Variants in DIDO1 observed in about 807,000 individuals in gnomAD.
DIDO1 encodes the protein death inducer-obliterator 1, also known as death-inducer obliterator 1.
A neutral mutation model predicts 99.4 loss-of-function variants in DIDO1; 16 were observed. That is an observed-to-expected ratio of 0.16 (90% CI 0.11 to 0.24). The LOEUF is 0.24. DIDO1 is among the 10% of genes least tolerant of loss of function. DIDO1 has a pLI of 1.00. For synonymous variants in DIDO1, 1,366 were observed against 1,239.1 expected (o/e 1.10, Z -2.15); for missense variants, 2,996 against 3,014.0 (o/e 0.99, Z 0.14).
At chr20:62,919,751 C>T (rs1454993459) in intron 1 of DIDO1, among the ~76,000 whole-genome samples, 1 of 152,240 alleles carries the variant, frequency 6.6e-6, no homozygotes, top group Admixed American at 6.5e-5. Context: ...TACAGCCGGG[C>T]CGCCAAGCTC....
At chr20:62,920,368 C>T (rs1213358149) in intron 1 of DIDO1, among the ~76,000 whole-genome samples, 1 of 152,192 alleles carries the variant, frequency 6.6e-6, no homozygotes, top group East Asian at 1.9e-4. Flanking sequence ...CTACTCTTGC[C>T]TCCCCCCAAC....
chr20:62,880,368 A>G lies in DIDO1; in HGVS notation c.5588T>C (p.Val1863Ala). The change falls in exon 16 of 16, where the codon GTG becomes GCG. Residue 1863 changes from valine (V) to alanine (A), a missense_variant. Val to Ala is a moderately conservative substitution (Grantham distance 64). This residue lies in a region of DIDO1 where 1,562 missense variants were observed against 1,412.6 expected (regional missense o/e 1.11). Coordinates refer to ENST00000395343, the MANE Select transcript of DIDO1 (RefSeq NM_001193369.2). ...TTCAAACTGGGCGGGGGCGCCCGTC[A>G]CCTCGTTATACGGGGCGTCCTGGAA... is the stretch of plus-strand genomic sequence containing the variant. ...REFQDAPYNE[V>A]TGAPAQFEGT... The G allele has an allele frequency of 6.2e-7, 1 of 1,612,712 alleles. No individual in the cohort carries two copies.
intron 6 of DIDO1, among the ~76,000 whole-genome samples, chr20:62,899,294 C>T (rs1189622417): frequency 6.6e-6 from 1 of 152,192 alleles, no homozygotes; most frequent in Non-Finnish European, 1.5e-5. Context: ...CCAGAAACCT[C>T]GGCAAAATGC....
chr20:62,886,582 G>A (rs1310002452), intron 15 of DIDO1, among the ~76,000 whole-genome samples: 2 of 152,176 alleles, frequency 1.3e-5, no homozygotes, highest in East Asian at 3.9e-4. Context: ...CTGCTTCTCA[G>A]GGTGCAGGAA....
In DIDO1 at chr20:62,898,598, T is replaced by C. The variant is rs114469802; in HGVS notation, c.1589-1602A>G. Among the ~76,000 whole-genome samples, 630 of 152,334 alleles carry C rather than the reference T, an allele frequency of 4.1e-3. 3 individuals are homozygous for C. Among genetic ancestry groups the C allele is most frequent in the African/African-American group, 0.014 (580 of 41,568 alleles). On this transcript the variant is annotated intron_variant, in intron 6 of 15. Coordinates refer to ENST00000395343, the MANE Select transcript of DIDO1 (RefSeq NM_001193369.2). Reference sequence around the variant, plus strand: ...ATCCTGTATTTTCATCTTAGGACCCTTCTAACCTCATGGCCGGCCCCTGCC... The same window carrying C: ...ATCCTGTATTTTCATCTTAGGACCCCTCTAACCTCATGGCCGGCCCCTGCC...
chr20:62,926,273 C>A (rs1280682979), intron 1 of DIDO1, among the ~76,000 whole-genome samples, 166 bp downstream of exon 1: 2 of 147,074 alleles, frequency 1.4e-5, no homozygotes, highest in Non-Finnish European at 3.0e-5. Flanking sequence ...CCCGCCCGCC[C>A]GCTCCTTCCC....
chr20:62,885,173 G>A (rs370769750), intron 15 of DIDO1, among the ~76,000 whole-genome samples: 9 of 152,176 alleles, frequency 5.9e-5, no homozygotes, highest in Admixed American at 2.6e-4. Flanking sequence ...TCTGTAAGCC[G>A]GGCTCTGTAA....
chr20:62,895,168 A>G lies in DIDO1; in HGVS notation c.2215-3T>C, dbSNP rs1013206596. On this transcript the variant is annotated splice_region_variant and splice_polypyrimidine_tract_variant and intron_variant, in intron 8 of 15. Transcript: ENST00000395343. ...CGCAGAACACGATGGAAGAGTCCCT[A>G]TAAACAAGTATTTTTCATTTACTCA... The G allele has an allele frequency of 1.3e-6, 2 of 1,598,290 alleles. No homozygotes were observed. Among genetic ancestry groups the G allele is most frequent in the South Asian group, 1.1e-5 (1 of 90,696 alleles).
Position 62,880,989 on chromosome 20 carries a change from C to G in DIDO1, c.4967G>C (p.Arg1656Pro). Residue 1656 changes from arginine to proline, a missense_variant, in exon 16 of 16, where the codon CGG becomes CCG. Transcript: ENST00000395343. Reference protein sequence around the residue: ...TVGDSSARPARRVLLPTPPCG... With the variant: ...TVGDSSARPAPRVLLPTPPCG... ...AGGCGGTGTGGGCAGCAGCACCCTCCGGGCAGGCCTGGCCGAGCTGTCTCC... is the reference window on the plus strand; with the variant it reads ...AGGCGGTGTGGGCAGCAGCACCCTCGGGGCAGGCCTGGCCGAGCTGTCTCC... 1 of 1,605,622 alleles carries G rather than the reference C, an allele frequency of 6.2e-7. No homozygotes were observed. Among genetic ancestry groups the G allele is most frequent in the South Asian group, 1.1e-5 (1 of 90,926 alleles).
In DIDO1 at chr20:62,881,234, C is replaced by T. The variant is rs754721641; in HGVS notation, c.4722G>A (p.Glu1574=). The T allele has an allele frequency of 2.0e-5, 32 of 1,603,100 alleles. No individual in the cohort carries two copies. Among genetic ancestry groups the T allele is most frequent in the Non-Finnish European group, 2.6e-5 (31 of 1,177,366 alleles). Residue 1574 remains glutamate (E), a synonymous_variant, in exon 16 of 16, where the codon GAG becomes GAA. Transcript: ENST00000395343. This position sits in a 1 kb window ranked among gnomAD's most constrained non-coding sequence, Gnocchi z 8.3. ...CCGAGAGCCTGGAGAGAGGCTCCCC[C>T]TCCCCCTCACCGGTCTCAGTGGCCA... ...RRLATETGEG[E]GEPLSRLSAR...
At chr20:62,905,685 AG>A (rs756549507) in intron 6 of DIDO1, 354 of 1,605,322 alleles carry the variant, frequency 2.2e-4, no homozygotes, top group Non-Finnish European at 2.7e-4. Flanking sequence ...AAACAGTGAC[AG>A]GAAGTCCTGA....
upstream of DIDO1, among the ~76,000 whole-genome samples, chr20:62,928,131 C>A (rs972691149): frequency 6.6e-6 from 1 of 152,162 alleles, no homozygotes; most frequent in African/African-American, 2.4e-5. Context: ...GATCTTTAAA[C>A]CAGCCACAAT....
chr20:62,889,795 T>C (rs2064361563), intron 15 of DIDO1: 1 of 985,348 alleles, frequency 1.0e-6, no homozygotes. Context: ...ACTTTGCTTT[T>C]AAAAATTTAT....
chr20:62,896,643 T>C lies in DIDO1; in HGVS notation c.1942A>G (p.Met648Val), dbSNP rs779250167. ...AGGCGTCCTGGGGCTGGCGAGGCCA[T>C]TGGAACAGAAGGTACCACTGGCTTC... ...VRKPVVPSVPMASPAPGRLGA... is the reference protein window; with the variant it reads ...VRKPVVPSVPVASPAPGRLGA... Residue 648 changes from methionine (M) to valine (V), a missense_variant, in exon 7 of 16, where the codon ATG becomes GTG. Around this residue, in one of 5 missense-constraint regions of DIDO1, gnomAD observed 898 missense variants for 972.7 expected, o/e 0.92. Transcript: ENST00000395343. This position sits in a 1 kb window ranked among gnomAD's most constrained non-coding sequence, Gnocchi z 4.4. 6.2e-6 allele frequency: 10 copies of C among 1,613,806 alleles called. No homozygotes were observed. The highest frequency in any genetic ancestry group is 2.7e-5 in the African/African-American group (2 of 74,922).
chr20:62,936,501 G>A (rs529899049), intron 1 of DIDO1, among the ~76,000 whole-genome samples: 1 of 151,750 alleles, frequency 6.6e-6, no homozygotes, highest in African/African-American at 2.4e-5. Context: ...GTTGCAGTGA[G>A]TCGAGATCAT....
intron 6 of DIDO1, among the ~76,000 whole-genome samples, chr20:62,900,468 A>G (rs567599212): frequency 1.3e-5 from 2 of 152,296 alleles, no homozygotes; most frequent in East Asian, 3.9e-4. Flanking sequence ...GGAGGAGAAA[A>G]TCAGGCCCCC....
chr20:62,931,284 C>G (rs2065329831), upstream of DIDO1, among the ~76,000 whole-genome samples: 1 of 152,172 alleles, frequency 6.6e-6, no homozygotes, highest in African/African-American at 2.4e-5. Flanking sequence ...CACATTAATA[C>G]AGAACCATGC....
In DIDO1 at chr20:62,893,645, G is replaced by C. The variant is rs768842352; in HGVS notation, c.3101+21C>G. Reference sequence around the variant, plus strand: ...CTAAAAAAAAAGTTTGGCTTGTTCAGACCACACCTGAAGTACGCACCTGAT... The same window carrying C: ...CTAAAAAAAAAGTTTGGCTTGTTCACACCACACCTGAAGTACGCACCTGAT... On this transcript the variant is annotated intron_variant, in intron 12 of 15. Coordinates refer to ENST00000395343, the MANE Select transcript of DIDO1 (RefSeq NM_001193369.2). The C allele has an allele frequency of 1.7e-5, 26 of 1,574,852 alleles. No homozygotes were observed. The South Asian group carries it at 2.4e-4, about 15-fold the overall frequency.
chr20:62,882,822 G>C (rs969688258), intron 15 of DIDO1, among the ~76,000 whole-genome samples: 2 of 152,198 alleles, frequency 1.3e-5, no homozygotes, highest in Middle Eastern at 3.4e-3. Context: ...GAGCCTGCAG[G>C]GTGAAAAGGG....
Sources: allele counts gnomAD v4.1 joint callset (sites outside exome capture counted in the v4.1 genomes callset), GRCh38; gene constraint gnomAD v4.1.1; regional missense constraint gnomAD v4.1.1; non-coding constraint Gnocchi (gnomAD v3.1); transcripts MANE v1.5; gene names NCBI Gene and HGNC (gene_info 2026-07-23, HGNC 2026-07-21).